CALN1: variants seen among roughly 807,000 people sequenced by gnomAD.
CALN1 encodes the protein calcium-binding protein 8.
In CALN1, 17 loss-of-function variants were observed where a neutral mutation model predicts 30.6. That is an observed-to-expected ratio of 0.56 (90% CI 0.38 to 0.83). The LOEUF (loss-of-function observed/expected upper bound fraction) is 0.83. CALN1 is among the 40% of genes least tolerant of loss of function. CALN1 has a pLI of 0.00. For synonymous variants in CALN1, 156 were observed against 131.4 expected (o/e 1.19, Z -1.28); for missense variants, 291 against 354.9 (o/e 0.82, Z 1.45).
chr7:72,048,357 T>A (rs922956523), intron 4 of CALN1, among the ~76,000 whole-genome samples: 1 of 152,054 alleles, frequency 6.6e-6, no homozygotes, highest in South Asian at 2.1e-4. Flanking sequence ...TTCTTAATCA[T>A]CCTTTTCAAT....
intron 3 of CALN1, among the ~76,000 whole-genome samples, chr7:72,132,513 C>A (rs1387139415): frequency 6.6e-5 from 10 of 152,076 alleles, no homozygotes; most frequent in Non-Finnish European, 1.5e-4. Context: ...CATTCCATCT[C>A]CAGTTAACTG....
chr7:72,246,973 C>T (rs1479795040), intron 3 of CALN1, among the ~76,000 whole-genome samples: 1 of 151,984 alleles, frequency 6.6e-6, no homozygotes, highest in Admixed American at 6.6e-5. Flanking sequence ...AGGCTAGTCT[C>T]GAACTCCCGA....
At chr7:72,110,870 C>T (rs1285621634) in intron 3 of CALN1, among the ~76,000 whole-genome samples, 1 of 151,962 alleles carries the variant, frequency 6.6e-6, no homozygotes, top group Non-Finnish European at 1.5e-5. Flanking sequence ...GAAAAATATG[C>T]CCGTAAAACC....
Position 71,855,711 on chromosome 7 carries a change from C to G in CALN1, c.502-45219G>C, listed in dbSNP as rs1003014464. 7.9e-5 allele frequency among the ~76,000 whole-genome samples: 12 copies of G among 152,276 alleles called. No individual in the cohort carries two copies. In the South Asian group the frequency reaches 1.7e-3, roughly 21 times the overall value. ...TAGCTTTGGTGATGGCATTTGGACT[C>G]TGGTGCTGGCTACCCTATACCTTAC... On this transcript the variant is annotated intron_variant, in intron 5 of 6. Transcript: ENST00000395275.
intron 5 of CALN1, among the ~76,000 whole-genome samples, chr7:71,816,324 A>G (rs958313100): frequency 6.6e-6 from 1 of 152,162 alleles, no homozygotes; most frequent in Non-Finnish European, 1.5e-5. Context: ...GAATTTTGAC[A>G]TACACTCAGA....
intron 3 of CALN1, among the ~76,000 whole-genome samples, chr7:72,169,572 C>T (rs1439341055): frequency 6.6e-6 from 1 of 151,622 alleles, no homozygotes; most frequent in African/African-American, 2.4e-5. Context: ...ATTTTTTTGC[C>T]TCAGCCTCTC....
intron 5 of CALN1, among the ~76,000 whole-genome samples, chr7:71,966,318 A>G (rs929609101): frequency 6.6e-6 from 1 of 152,158 alleles, no homozygotes; most frequent in Non-Finnish European, 1.5e-5. Context: ...CCCTAGGTCA[A>G]TGTTTGATAT....
chr7:71,875,467 C>T (rs1433459302), intron 5 of CALN1, among the ~76,000 whole-genome samples: 1 of 152,152 alleles, frequency 6.6e-6, no homozygotes, highest in East Asian at 1.9e-4. Flanking sequence ...CTTTTGATGG[C>T]ACTGTGTGTG....
intron 3 of CALN1, among the ~76,000 whole-genome samples, chr7:72,194,524 T>C (rs552589680): frequency 6.6e-6 from 1 of 151,442 alleles, no homozygotes; most frequent in Non-Finnish European, 1.5e-5. Flanking sequence ...AGTAAGACCC[T>C]GTCTCAAACA....
chr7:72,039,778 C>T (rs1320569796), intron 4 of CALN1, among the ~76,000 whole-genome samples: 1 of 152,162 alleles, frequency 6.6e-6, no homozygotes, highest in Non-Finnish European at 1.5e-5. Context: ...CCTCCCCAAA[C>T]CTCTGGGCTT....
intron 3 of CALN1, among the ~76,000 whole-genome samples, chr7:72,201,849 C>T (rs1791455963): frequency 6.6e-6 from 1 of 151,712 alleles, no homozygotes; most frequent in South Asian, 2.1e-4. Flanking sequence ...AGAAGTGGAA[C>T]TCACCATACA....
At chr7:72,249,041 C>G (rs1326306546) in intron 3 of CALN1, among the ~76,000 whole-genome samples, 2 of 152,170 alleles carry the variant, frequency 1.3e-5, no homozygotes, top group Non-Finnish European at 2.9e-5. Context: ...AGTGATGGAT[C>G]ACGAATTTCT....
At chr7:71,837,243 C>CAA (rs55977265) in intron 5 of CALN1, among the ~76,000 whole-genome samples, 6,653 of 79,020 alleles carry the variant, frequency 0.084, 387 homozygotes, top group East Asian at 0.12. Flanking sequence ...AAAAAAAAGA[C>CAA]AAAAAAAAAA....
At chr7:72,137,702 GT>G (rs1809609455) in intron 3 of CALN1, among the ~76,000 whole-genome samples, 1 of 152,210 alleles carries the variant, frequency 6.6e-6, no homozygotes, top group Non-Finnish European at 1.5e-5. Context: ...TGTGGATTAG[GT>G]GGTGGTATAT....
intron 5 of CALN1, among the ~76,000 whole-genome samples, chr7:71,876,826 G>A (rs1345979647): frequency 3.3e-5 from 5 of 152,114 alleles, no homozygotes; most frequent in Admixed American, 6.6e-5. Context: ...AGAAACTAAT[G>A]CTCCGACCCA....
At chr7:72,072,686 A>G (rs1363165542) in intron 4 of CALN1, among the ~76,000 whole-genome samples, 5 of 152,180 alleles carry the variant, frequency 3.3e-5, no homozygotes, top group Non-Finnish European at 2.9e-5. Flanking sequence ...GAGGTTAATA[A>G]TTTTTTAAAA....
chr7:72,246,051 C>G (rs532731233), intron 3 of CALN1, among the ~76,000 whole-genome samples: 5 of 151,566 alleles, frequency 3.3e-5, no homozygotes, highest in Admixed American at 1.3e-4. Flanking sequence ...GATTCCCTCT[C>G]TCTTCTCTAG....
At chr7:72,190,717 G>C (rs1790536672) in intron 3 of CALN1, among the ~76,000 whole-genome samples, 1 of 152,178 alleles carries the variant, frequency 6.6e-6, no homozygotes, top group Non-Finnish European at 1.5e-5. Flanking sequence ...ATATTTGAAA[G>C]ACTTAGCTGG....
chr7:72,436,858 G>C (rs1320794586), intron 1 of CALN1, among the ~76,000 whole-genome samples: 1 of 152,080 alleles, frequency 6.6e-6, no homozygotes, highest in Admixed American at 6.6e-5. Context: ...AGTCTGTCTT[G>C]ACAAAACCTC....
Sources: allele counts gnomAD v4.1 joint callset (sites outside exome capture counted in the v4.1 genomes callset), GRCh38; gene constraint gnomAD v4.1.1; transcripts MANE v1.5; gene names NCBI Gene and HGNC (gene_info 2026-07-23, HGNC 2026-07-21).